MSRA: variants seen among roughly 807,000 people sequenced by gnomAD.
MSRA encodes the protein mitochondrial peptide methionine sulfoxide reductase.
Under a neutral mutation model 31.3 loss-of-function variants are expected in MSRA, and 54 were observed. The ratio of observed to expected loss-of-function variants is 1.73; its 90% confidence interval spans 1.39 to 2.17. The LOEUF (loss-of-function observed/expected upper bound fraction) is 2.17. Ranked by LOEUF, MSRA falls within the 30% of genes most tolerant of loss-of-function variation. The pLI, the probability that MSRA is intolerant of heterozygous loss-of-function variation, is 0.00. For missense variants in MSRA, 507 were observed against 300.9 expected (o/e 1.69, Z -5.07); for synonymous variants, 169 against 116.5 (o/e 1.45, Z -2.90).
At chr8:10,054,772 C>A in intron 1 of MSRA, 114 bp downstream of exon 1, 2 of 1,222,692 alleles carry the variant, frequency 1.6e-6, no homozygotes, top group South Asian at 2.7e-5. Context: ...TCGGGCGGGT[C>A]GCGGGGTGGG....
chr8:10,281,102 G>T (rs1799599412), intron 3 of MSRA, among the ~76,000 whole-genome samples: 2 of 152,142 alleles, frequency 1.3e-5, no homozygotes, highest in African/African-American at 4.8e-5. Context: ...ACCCAACTGT[G>T]AATATACTAA....
intron 1 of MSRA, among the ~76,000 whole-genome samples, chr8:10,088,680 G>C (rs1478461495): frequency 6.6e-6 from 1 of 151,962 alleles, no homozygotes; most frequent in Non-Finnish European, 1.5e-5. Context: ...AGGTTGCAGT[G>C]AGCTGAGATC....
chr8:10,428,244 A>C lies in MSRA; in HGVS notation c.640A>C (p.Lys214Gln). 1 of 1,614,178 alleles carries C rather than the reference A, an allele frequency of 6.2e-7. No individual in the cohort carries two copies. ...AEDYHQQYLS[K>Q]NPNGYCGLGG... The stretch of plus-strand genomic sequence containing the variant: ...AGACTACCACCAGCAGTACCTGAGC[A>C]AGAACCCCAATGGCTACTGCGGCCT... The change falls in exon 6 of 6, where the codon AAG (lysine) becomes CAG (glutamine). Residue 214 changes from lysine (K) to glutamine (Q), a missense_variant. Lys to Gln is a moderately conservative substitution (Grantham distance 53). Coordinates refer to ENST00000317173, the MANE Select transcript of MSRA (RefSeq NM_012331.5).
At chr8:10,382,222 T>C (rs1273167960) in intron 5 of MSRA, among the ~76,000 whole-genome samples, 1 of 152,200 alleles carries the variant, frequency 6.6e-6, no homozygotes, top group African/African-American at 2.4e-5. Flanking sequence ...TTCCCTCTTA[T>C]GGCTGCTCTT....
chr8:10,260,695 T>TGGG (rs372347021), intron 3 of MSRA, among the ~76,000 whole-genome samples: 2 of 151,702 alleles, frequency 1.3e-5, no homozygotes, highest in African/African-American at 4.8e-5. Context: ...TTTGCATTGG[T>TGGG]GGGGGGGAAT....
At position 10,304,626 on chromosome 8, in the gene MSRA, C is replaced by A. The variant is rs1801026372; in HGVS notation, c.436+2988C>A. ...AGGATGGACCAGAGGCAGGGGAGAGCCAGGCTACAAATGAACTTGGCTATC... is the reference window on the plus strand; with the variant it reads ...AGGATGGACCAGAGGCAGGGGAGAGACAGGCTACAAATGAACTTGGCTATC... On this transcript the variant is annotated intron_variant, in intron 4 of 5. Transcript: ENST00000317173. 2.0e-5 allele frequency among the ~76,000 whole-genome samples: 3 copies of A among 152,158 alleles called. No homozygotes were observed. The South Asian group carries it at 6.2e-4, about 32-fold the overall frequency.
chr8:10,258,208 G>C (rs1294013930), intron 3 of MSRA, among the ~76,000 whole-genome samples: 1 of 152,174 alleles, frequency 6.6e-6, no homozygotes, highest in Non-Finnish European at 1.5e-5. Context: ...TGGACGCAGG[G>C]ACAGTCTATG....
intron 1 of MSRA, among the ~76,000 whole-genome samples, chr8:10,114,099 G>A (rs756595251): frequency 6.6e-6 from 1 of 152,184 alleles, no homozygotes; most frequent in Non-Finnish European, 1.5e-5. Context: ...CTTTTGCTTA[G>A]CATGGTGTTC....
intron 3 of MSRA, among the ~76,000 whole-genome samples, chr8:10,282,901 A>C (rs955934947): frequency 1.3e-5 from 2 of 152,146 alleles, no homozygotes; most frequent in African/African-American, 4.8e-5. Context: ...AAAGATTTGC[A>C]TGTAATTAGC....
chr8:10,065,246 T>C (rs1218837004), intron 1 of MSRA, among the ~76,000 whole-genome samples: 2 of 152,106 alleles, frequency 1.3e-5, no homozygotes, highest in Admixed American at 1.3e-4. Flanking sequence ...CAGAGGGCAC[T>C]CAGGCAGTCT....
At chr8:10,194,263 C>G (rs1049672980) in intron 1 of MSRA, among the ~76,000 whole-genome samples, 2 of 152,162 alleles carry the variant, frequency 1.3e-5, no homozygotes, top group Non-Finnish European at 2.9e-5. Context: ...ATCCTTCCCC[C>G]CCTTAAAAAG....
intron 1 of MSRA, among the ~76,000 whole-genome samples, chr8:10,114,041 G>C (rs188867809): frequency 6.6e-6 from 1 of 152,064 alleles, no homozygotes; most frequent in Non-Finnish European, 1.5e-5. Context: ...GACCTTTCAC[G>C]TCAATAGAAT....
intron 5 of MSRA, among the ~76,000 whole-genome samples, chr8:10,351,507 C>T (rs142696287): frequency 1.2e-4 from 18 of 152,260 alleles, no homozygotes; most frequent in African/African-American, 3.4e-4. Flanking sequence ...CCGCTTCAGC[C>T]TCCCAAAGTG....
At chr8:10,305,074 AG>A (rs1412233640) in intron 4 of MSRA, among the ~76,000 whole-genome samples, 1 of 152,254 alleles carries the variant, frequency 6.6e-6, no homozygotes, top group Non-Finnish European at 1.5e-5. Flanking sequence ...TATTTTAATT[AG>A]CATGTTGAAA....
chr8:10,255,789 G>A (rs11784866), intron 3 of MSRA, among the ~76,000 whole-genome samples: 82,047 of 151,094 alleles, frequency 0.54, 25,244 homozygotes, highest in Non-Finnish European at 0.7. Context: ...GGCATTGGGA[G>A]GCTGCTGGTT....
chr8:10,403,317 C>T (rs1447263631), intron 5 of MSRA, among the ~76,000 whole-genome samples: 1 of 152,176 alleles, frequency 6.6e-6, no homozygotes, highest in Non-Finnish European at 1.5e-5. Context: ...ATCAACCCAG[C>T]CAACGAGAAA....
intron 4 of MSRA, among the ~76,000 whole-genome samples, chr8:10,309,013 A>G (rs888535758): frequency 1.3e-5 from 2 of 152,200 alleles, no homozygotes; most frequent in Non-Finnish European, 2.9e-5. Flanking sequence ...GAACTATGTG[A>G]CTGGCTCCTT....
At chr8:10,135,620 C>T (rs1802217704) in intron 1 of MSRA, among the ~76,000 whole-genome samples, 1 of 152,150 alleles carries the variant, frequency 6.6e-6, no homozygotes, top group Non-Finnish European at 1.5e-5. Context: ...ATATAACATG[C>T]ACACCAGCTG....
intron 1 of MSRA, among the ~76,000 whole-genome samples, chr8:10,060,081 C>A (rs1459415883): frequency 6.7e-6 from 1 of 150,154 alleles, no homozygotes; most frequent in African/African-American, 2.4e-5. Context: ...AATGCATATA[C>A]CTTTTGACCC....
Sources: gnomAD v4.1 joint callset for allele counts (sites outside exome capture counted in the v4.1 genomes callset) on GRCh38, gnomAD v4.1.1 for gene constraint, MANE v1.5 for transcripts, NCBI Gene and HGNC (gene_info 2026-07-23, HGNC 2026-07-21) for gene names.